PCDHB6: variants seen among roughly 807,000 people sequenced by gnomAD.
The protein encoded by PCDHB6 is protocadherin beta 6.
For synonymous variants in PCDHB6, 506 were observed against 459.0 expected, an observed-to-expected ratio of 1.10 and a Z score of -1.31; for missense variants, 1,137 against 1,010.1, an observed-to-expected ratio of 1.13 and a Z score of -1.70.
In PCDHB6 at chr5:141,151,742, C is replaced by T. The variant is rs1337255429; in HGVS notation, c.1485C>T (p.His495=). 2 of 1,613,350 alleles carry T rather than the reference C, an allele frequency of 1.2e-6. No individual in the cohort carries two copies. The highest frequency in any genetic ancestry group is 1.3e-5 in the African/African-American group (1 of 75,052). ...CGCTGCTGCCGCCCCAGGACCCGCA[C>T]CTGCCCCTCTCTTCCCTGGTCTCCA... ...TYSLLPPQDP[H]LPLSSLVSIN... is the part of the protein sequence containing the mutation. The change falls in exon 1 of 1, where the codon CAC becomes CAT. Residue 495 remains histidine, a synonymous_variant. Transcript: ENST00000231136.
rs370624837 is a variant in PCDHB6, at chr5:141,150,445, C to T, written c.188C>T (p.Ala63Val). Reference sequence around the variant, plus strand: ...GTGGGGGAGCTGGCTTCGCGGGGCGCTCGGGTTGTTTTCAAAGGGAACAGA... The same window carrying T: ...GTGGGGGAGCTGGCTTCGCGGGGCGTTCGGGTTGTTTTCAAAGGGAACAGA... Reference protein sequence around the residue: ...LRVGELASRGARVVFKGNRQH... With the variant: ...LRVGELASRGVRVVFKGNRQH... The change falls in exon 1 of 1, where the codon GCT becomes GTT. Residue 63 changes from alanine (A) to valine (V), a missense_variant. By Grantham distance (64) the Ala-to-Val change is moderately conservative (BLOSUM62 0). Transcript: ENST00000231136. 1.9e-6 allele frequency: 3 copies of T among 1,613,918 alleles called. No individual in the cohort carries two copies. The highest frequency in any genetic ancestry group is 2.5e-6 in the Non-Finnish European group (3 of 1,180,032).
rs1554277843 is a variant in PCDHB6 at position 141,151,867 on chromosome 5, C to T, written c.1610C>T (p.Pro537Leu). Residue 537 changes from proline to leucine, a missense_variant, in exon 1 of 1, where the codon CCG (proline) becomes CTG (leucine). Physicochemically the swap from Pro to Leu is moderately conservative, Grantham distance 98. Transcript: ENST00000231136. ...GTGGGCGCCACAGACCGCGGCTCCCCGGCGTTGAGCAGCGAGGCGCTGGTG... is the reference window on the plus strand; with the variant it reads ...GTGGGCGCCACAGACCGCGGCTCCCTGGCGTTGAGCAGCGAGGCGCTGGTG... ...FRVGATDRGS[P>L]ALSSEALVRL... The T allele has an allele frequency of 1.9e-6, 3 of 1,612,216 alleles. No individual in the cohort carries two copies. The highest frequency in any genetic ancestry group is 1.3e-5 in the African/African-American group (1 of 75,002).
At position 141,151,240 on chromosome 5, in the gene PCDHB6, A is replaced by C. The variant is rs782506346; in HGVS notation, c.983A>C (p.Lys328Thr). The stretch of plus-strand genomic sequence containing the variant: ...ACAGATGGTGGAGGCCTATCAGGAA[A>C]ATGCTCTTTAGTCGTCAGGGTCCTG... ...EATDGGGLSG[K>T]CSLVVRVLDV... Residue 328 changes from lysine (K) to threonine (T), a missense_variant, in exon 1 of 1, where the codon AAA (lysine) becomes ACA (threonine). By Grantham distance (78) the Lys-to-Thr change is moderately conservative (BLOSUM62 -1). Coordinates refer to ENST00000231136, the MANE Select transcript of PCDHB6 (RefSeq NM_018939.4). The C allele has an allele frequency of 2.5e-6, 4 of 1,614,010 alleles. No homozygotes were observed. In the African/African-American group the frequency reaches 5.3e-5, roughly 22 times the overall value.
In PCDHB6 at chr5:141,151,328, C is replaced by T; in HGVS notation, c.1071C>T (p.Asn357=). 6.2e-7 allele frequency: 1 copy of T among 1,614,202 alleles called. No individual in the cohort carries two copies. Among genetic ancestry groups the T allele is most frequent in the Non-Finnish European group, 8.5e-7 (1 of 1,180,038 alleles). The stretch of plus-strand genomic sequence containing the variant: ...TCTTCATCAGCCTCATCCCAGAAAA[C>T]TTACCAGAGATCACAGTGGCAGTTT... ...MSFFISLIPE[N]LPEITVAVFS... Residue 357 remains asparagine, a synonymous_variant, in exon 1 of 1, where the codon AAC becomes AAT. Coordinates refer to ENST00000231136, the MANE Select transcript of PCDHB6 (RefSeq NM_018939.4).
chr5:141,152,184 A>G lies in PCDHB6; in HGVS notation c.1927A>G (p.Lys643Glu), dbSNP rs570644983. Reference protein sequence around the residue: ...AAKHRLVVLVKDNGEPPRSAT... With the variant: ...AAKHRLVVLVEDNGEPPRSAT... ...CAAGCACAGGCTGGTGGTGCTTGTC[A>G]AGGACAATGGCGAGCCTCCGCGCTC... Residue 643 changes from lysine to glutamate, a missense_variant, in exon 1 of 1, where the codon AAG (lysine) becomes GAG (glutamate). By Grantham distance (56) the Lys-to-Glu change is moderately conservative (BLOSUM62 1). Transcript: ENST00000231136. 30 of 1,607,746 alleles carry G rather than the reference A, an allele frequency of 1.9e-5. No homozygotes were observed. The highest frequency in any genetic ancestry group is 1.3e-4 in the African/African-American group (10 of 74,936).
At position 141,150,529 on chromosome 5, in the gene PCDHB6, G is replaced by A. The variant is rs782612248; in HGVS notation, c.272G>A (p.Arg91Gln). The change falls in exon 1 of 1, where the codon CGG (arginine) becomes CAG (glutamine). Residue 91 changes from arginine (R) to glutamine (Q), a missense_variant. Coordinates refer to ENST00000231136, the MANE Select transcript of PCDHB6 (RefSeq NM_018939.4). The part of the protein sequence containing the change: ...HDLLLNEKLD[R>Q]EELCGSTEPC... ...TTACTGCTAAATGAAAAACTGGACC[G>A]GGAGGAGCTGTGTGGCTCCACTGAG... The A allele has an allele frequency of 6.2e-7, 1 of 1,614,116 alleles. No homozygotes were observed.
Position 141,152,304 on chromosome 5 carries a change from T to A in PCDHB6, c.2047T>A (p.Ser683Thr). ...GGCCCCGGCCCAAGCCCAGGCCGAC[T>A]CTCTCACCGTCTACCTGGTGGTGGC... ...EAAPAQAQAD[S>T]LTVYLVVALA... is the part of the protein sequence containing the mutation. The change falls in exon 1 of 1, where the codon TCT becomes ACT. Residue 683 changes from serine (S) to threonine (T), a missense_variant. By Grantham distance (58) the Ser-to-Thr change is moderately conservative. Transcript: ENST00000231136. 1 of 1,608,748 alleles carries A rather than the reference T, an allele frequency of 6.2e-7. No individual in the cohort carries two copies. Among genetic ancestry groups the A allele is most frequent in the Non-Finnish European group, 8.5e-7 (1 of 1,179,804 alleles).
Position 141,150,264 on chromosome 5 carries a change from C to G in PCDHB6, c.7C>G (p.Gln3Glu), listed in dbSNP as rs1554277369. The G allele has an allele frequency of 6.2e-7, 1 of 1,606,154 alleles. No individual in the cohort carries two copies. Among genetic ancestry groups the G allele is most frequent in the Non-Finnish European group, 8.5e-7 (1 of 1,174,502 alleles). Residue 3 changes from glutamine (Q) to glutamate (E), a missense_variant, in exon 1 of 1, where the codon CAA becomes GAA. Transcript: ENST00000231136. MM[Q>E]TKVQNKKRQV... ...GTATTCAGACATAATAGACATGATG[C>G]AAACTAAAGTACAGAACAAGAAAAG...
In PCDHB6 at chr5:141,152,910, A is replaced by C; in HGVS notation, c.*268A>C. On this transcript the variant is annotated 3_prime_UTR_variant, in exon 1 of 1. Coordinates refer to ENST00000231136, the MANE Select transcript of PCDHB6 (RefSeq NM_018939.4). ...ATTATCTATTCTTCCCCCCCCCAAA[A>C]AAAAGTATTGTAAATCCTTAAGTAA... is the stretch of plus-strand genomic sequence containing the variant. 3.9e-6 allele frequency: 1 copy of C among 254,012 alleles called. No homozygotes were observed. The allele number at this position is 254,012 out of a possible 1,614,324, so 15.7% of individuals were successfully genotyped here.
At position 141,150,890 on chromosome 5, in the gene PCDHB6, G is replaced by A; in HGVS notation, c.633G>A (p.Leu211=). 7 of 1,614,214 alleles carry A rather than the reference G, an allele frequency of 4.3e-6. No individual in the cohort carries two copies. Among genetic ancestry groups the A allele is most frequent in the Non-Finnish European group, 5.1e-6 (6 of 1,180,038 alleles). ...REEQPQLRLT[L]IALDGGSPPR... is the part of the protein sequence containing the mutation. The stretch of plus-strand genomic sequence containing the variant: ...AGCAGCCCCAACTCAGGCTAACGCT[G>A]ATCGCGCTGGATGGCGGGTCTCCGC... The change falls in exon 1 of 1, where the codon CTG becomes CTA. Residue 211 remains leucine, a synonymous_variant. Coordinates refer to ENST00000231136, the MANE Select transcript of PCDHB6 (RefSeq NM_018939.4).
Position 141,151,309 on chromosome 5 carries a change from TC to T in PCDHB6, c.1053del (p.Ser352AlafsTer32), listed in dbSNP as rs1187503030. On this transcript the variant is annotated frameshift_variant, in exon 1 of 1. Transcript: ENST00000231136. LOFTEE classifies it low-confidence loss of function (END_TRUNC). ...NAPELTMSFF[I>X]SLIPENLPEI... ...CCTGAACTCACCATGTCGTTCTTCA[TC>T]AGCCTCATCCCAGAAAACTTACCAG... The T allele has an allele frequency of 6.2e-7, 1 of 1,614,038 alleles. No individual in the cohort carries two copies. Among genetic ancestry groups the T allele is most frequent in the East Asian group, 2.2e-5 (1 of 44,886 alleles).
Position 141,152,473 on chromosome 5 carries a change from G to T in PCDHB6, c.2216G>T (p.Gly739Val). Residue 739 changes from glycine to valine, a missense_variant, in exon 1 of 1, where the codon GGC (glycine) becomes GTC (valine). Coordinates refer to ENST00000231136, the MANE Select transcript of PCDHB6 (RefSeq NM_018939.4). ...CCAGGGCATCTGGTGGATGTGAGCG[G>T]CACCGGGACCCTATCCCAGAGCTAC... ...PFPGHLVDVS[G>V]TGTLSQSYQY... The T allele has an allele frequency of 6.2e-7, 1 of 1,614,078 alleles. No homozygotes were observed. Among genetic ancestry groups the T allele is most frequent in the South Asian group, 1.1e-5 (1 of 91,078 alleles).
At position 141,151,822 on chromosome 5, in the gene PCDHB6, T is replaced by G. The variant is rs782535397; in HGVS notation, c.1565T>G (p.Leu522Arg). The G allele has an allele frequency of 1.4e-5, 23 of 1,612,858 alleles. No individual in the cohort carries two copies. Among genetic ancestry groups the G allele is most frequent in the Non-Finnish European group, 1.8e-5 (21 of 1,179,916 alleles). Residue 522 changes from leucine to arginine, a missense_variant, in exon 1 of 1, where the codon CTG becomes CGG. By Grantham distance (102) the Leu-to-Arg change is moderately radical (BLOSUM62 -2). Transcript: ENST00000231136. ...FALRSLDYEALQSFEFRVGAT... is the reference protein window; with the variant it reads ...FALRSLDYEARQSFEFRVGAT... ...CTCAGGTCGCTGGACTACGAGGCCC[T>G]GCAGTCTTTCGAGTTCCGCGTGGGC...
rs1353772073 is a variant in PCDHB6, at chr5:141,153,026, A to G, written c.*384A>G. 4.0e-5 allele frequency: 7 copies of G among 173,398 alleles called. No individual in the cohort carries two copies. Among genetic ancestry groups the G allele is most frequent in the Admixed American group, 1.2e-4 (2 of 16,432 alleles). 10.7% of individuals were successfully genotyped at this position (173,398 alleles called of 1,614,324 possible). A position where few individuals can be genotyped will look rare whatever the true frequency, so the allele number is the denominator to read the frequency against. On this transcript the variant is annotated 3_prime_UTR_variant, in exon 1 of 1. Transcript: ENST00000231136. ...AGTATCTGATATTATTTAATCCTCC[A>G]ATGTCTCATTTTGCAGTAACTCCTA...
chr5:141,151,490 C>T lies in PCDHB6; in HGVS notation c.1233C>T (p.Ser411=), dbSNP rs140468274. 1.1e-5 allele frequency: 17 copies of T among 1,614,040 alleles called. No homozygotes were observed. The change falls in exon 1 of 1, where the codon AGC becomes AGT. Residue 411 remains serine (S), a synonymous_variant. Coordinates refer to ENST00000231136, the MANE Select transcript of PCDHB6 (RefSeq NM_018939.4). ...CAGAAGGCGCGCTGGACAGAGAGAG[C>T]AGAGCCGAGTACAACATCACTATCA... ...LVTEGALDRE[S]RAEYNITITV...
At position 141,151,088 on chromosome 5, in the gene PCDHB6, T is replaced by C. The variant is rs782726883; in HGVS notation, c.831T>C (p.Ser277=). 6.2e-7 allele frequency: 1 copy of C among 1,614,240 alleles called. No homozygotes were observed. Residue 277 remains serine, a synonymous_variant, in exon 1 of 1, where the codon TCT becomes TCC. Coordinates refer to ENST00000231136, the MANE Select transcript of PCDHB6 (RefSeq NM_018939.4). The part of the protein sequence containing the change: ...DLDAGSFGKV[S]YALFQVDDVN... ...ATGCAGGATCGTTTGGGAAGGTATC[T>C]TACGCCCTGTTTCAAGTCGATGACG... is the stretch of plus-strand genomic sequence containing the variant.
rs782163696 is a variant in PCDHB6, at chr5:141,152,105, G to C, written c.1848G>C (p.Trp616Cys). The change falls in exon 1 of 1, where the codon TGG (tryptophan) becomes TGC (cysteine). Residue 616 changes from tryptophan (W) to cysteine (C), a missense_variant. Physicochemically the swap from Trp to Cys is radical, Grantham distance 215. Coordinates refer to ENST00000231136, the MANE Select transcript of PCDHB6 (RefSeq NM_018939.4). The part of the protein sequence containing the change: ...KATELGLFGV[W>C]AHNGEVRTAR... ...CGGAGCTCGGTCTGTTCGGCGTGTGGGCGCACAATGGCGAGGTGCGCACCG... is the reference window on the plus strand; with the variant it reads ...CGGAGCTCGGTCTGTTCGGCGTGTGCGCGCACAATGGCGAGGTGCGCACCG... 1.7e-5 allele frequency: 28 copies of C among 1,606,714 alleles called. No individual in the cohort carries two copies. The Admixed American group carries it at 4.7e-4, about 27-fold the overall frequency.
chr5:141,151,430 A>T lies in PCDHB6; in HGVS notation c.1173A>T (p.Leu391=). 6.2e-7 allele frequency: 1 copy of T among 1,614,130 alleles called. No individual in the cohort carries two copies. The highest frequency in any genetic ancestry group is 8.5e-7 in the Non-Finnish European group (1 of 1,180,008). The change falls in exon 1 of 1, where the codon CTA becomes CTT. Residue 391 remains leucine (L), a synonymous_variant. Transcript: ENST00000231136. ...TAGAGAACAATCTCCCCTTTCTACT[A>T]AGACCTTCCGTGGAGAATTTCTACA... is the stretch of plus-strand genomic sequence containing the variant. The part of the protein sequence containing the change: ...CSIENNLPFL[L]RPSVENFYTL...
rs1486178016 is a variant in PCDHB6 at position 141,150,390 on chromosome 5, G to A, written c.133G>A (p.Ala45Thr). Reference sequence around the variant, plus strand: ...GGAGACAGAAAGTGGCACGTTTGTGGCCAACTTGACAAAGGACCTGGGACT... The same window carrying A: ...GGAGACAGAAAGTGGCACGTTTGTGACCAACTTGACAAAGGACCTGGGACT... The part of the protein sequence containing the change: ...LEETESGTFV[A>T]NLTKDLGLRV... Residue 45 changes from alanine to threonine, a missense_variant, in exon 1 of 1, where the codon GCC becomes ACC. By Grantham distance (58) the Ala-to-Thr change is moderately conservative (BLOSUM62 0). Transcript: ENST00000231136. 1.2e-6 allele frequency: 2 copies of A among 1,614,018 alleles called. No homozygotes were observed. The highest frequency in any genetic ancestry group is 2.7e-5 in the African/African-American group (2 of 74,904).
Sources: gnomAD v4.1 joint callset for allele counts on GRCh38, gnomAD v4.1.1 for gene constraint, MANE v1.5 for transcripts, NCBI Gene and HGNC (gene_info 2026-07-23, HGNC 2026-07-21) for gene names.